HOMER2: variants seen among roughly 807,000 people sequenced by gnomAD.
The protein encoded by HOMER2 is homer protein homolog 2.
Under a neutral mutation model 47.0 loss-of-function variants are expected in HOMER2, and 27 were observed. The ratio of observed to expected loss-of-function variants is 0.57; its 90% CI spans 0.42 to 0.79. HOMER2 has a LOEUF of 0.79. Among genes scored for constraint, HOMER2 ranks in the 30% least tolerant of loss-of-function variants. HOMER2 has a pLI of 0.00. For synonymous variants in HOMER2, 161 were observed against 163.8 expected (o/e 0.98, Z 0.13); for missense variants, 443 against 435.0 (o/e 1.02, Z -0.16).
chr15:82,933,306 A>G (rs1398430482), intron 1 of HOMER2, among the ~76,000 whole-genome samples: 1 of 152,106 alleles, frequency 6.6e-6, no homozygotes, highest in African/African-American at 2.4e-5. Context: ...GGCTCACTGC[A>G]GCCTCGACCT....
Position 82,855,440 on chromosome 15 carries a change from C to T in HOMER2, c.495-640G>A, listed in dbSNP as rs187973600. Among the ~76,000 whole-genome samples the T allele has an allele frequency of 7.9e-4, 120 of 152,292 alleles. 1 individual carries two copies. Among genetic ancestry groups the T allele is most frequent in the Admixed American group, 1.9e-3 (29 of 15,298 alleles). On this transcript the variant is annotated intron_variant, in intron 5 of 8. Transcript: ENST00000450735. ...CCATCCCATCCTCCTTACTGGCCGC[C>T]CTGCTTCCTCCTGAAAGGAGTTTCA... is the stretch of plus-strand genomic sequence containing the variant.
chr15:82,912,875 C>T (rs1177079184), intron 1 of HOMER2, among the ~76,000 whole-genome samples: 1 of 152,200 alleles, frequency 6.6e-6, no homozygotes. Context: ...CCTAAGTAGG[C>T]GGACTGTGTG....
At chr15:82,879,208 A>G (rs953112039) in intron 2 of HOMER2, among the ~76,000 whole-genome samples, 1 of 152,170 alleles carries the variant, frequency 6.6e-6, no homozygotes, top group African/African-American at 2.4e-5. Context: ...TTCCTTGAAT[A>G]TATTAATCGT....
chr15:82,965,424 A>G (rs1159945147), intron 1 of HOMER2, among the ~76,000 whole-genome samples: 2 of 152,220 alleles, frequency 1.3e-5, no homozygotes, highest in South Asian at 2.1e-4. Context: ...CCCAAAGCCA[A>G]TCTGACCTAA....
At chr15:82,942,357 G>T (rs1033827691) in intron 1 of HOMER2, among the ~76,000 whole-genome samples, 1 of 152,198 alleles carries the variant, frequency 6.6e-6, no homozygotes, top group Non-Finnish European at 1.5e-5. Flanking sequence ...CTGATGAAGG[G>T]TGATCAGAAA....
At chr15:82,902,655 T>A (rs2053158431) in intron 1 of HOMER2, among the ~76,000 whole-genome samples, 1 of 152,244 alleles carries the variant, frequency 6.6e-6, no homozygotes. Context: ...AAGATTTTCA[T>A]ATTACACTGT....
At chr15:82,847,054 C>T (rs2051261757), downstream of HOMER2, 1 of 152,266 alleles carries the variant, frequency 6.6e-6, no homozygotes, top group Non-Finnish European at 1.5e-5. Context: ...CAATTGCAAA[C>T]TGAAAATGCA....
At chr15:82,961,421 T>C (rs1327721427) in intron 1 of HOMER2, among the ~76,000 whole-genome samples, 1 of 152,268 alleles carries the variant, frequency 6.6e-6, no homozygotes, top group Non-Finnish European at 1.5e-5. Context: ...ATTGTTCTCT[T>C]GGCACATGCC....
chr15:82,889,615 C>G (rs969079383), intron 2 of HOMER2, among the ~76,000 whole-genome samples: 2 of 152,084 alleles, frequency 1.3e-5, no homozygotes, highest in Non-Finnish European at 2.9e-5. Flanking sequence ...CAGGCAGGAT[C>G]GAGATTGGGC....
intron 1 of HOMER2, among the ~76,000 whole-genome samples, chr15:82,894,876 T>C (rs780786754): frequency 5.3e-5 from 8 of 151,674 alleles, no homozygotes; most frequent in Admixed American, 2.6e-4. Context: ...AGTCTCTAGA[T>C]GGAATGATTT....
At chr15:82,860,952 A>G (rs924810693) in intron 4 of HOMER2, among the ~76,000 whole-genome samples, 1 of 106,012 alleles carries the variant, frequency 9.4e-6, no homozygotes, top group Non-Finnish European at 2.1e-5. Context: ...TAGAAGATAG[A>G]AGATGAGAGA....
At chr15:82,937,974 A>G (rs1363443754) in intron 1 of HOMER2, among the ~76,000 whole-genome samples, 2 of 152,210 alleles carry the variant, frequency 1.3e-5, no homozygotes, top group Non-Finnish European at 2.9e-5. Context: ...TATTTGCTTC[A>G]GCTCACTCCT....
At chr15:82,947,815 A>T (rs899870116) in intron 1 of HOMER2, among the ~76,000 whole-genome samples, 3 of 152,250 alleles carry the variant, frequency 2.0e-5, no homozygotes, top group African/African-American at 7.2e-5. Flanking sequence ...TATTTACTGG[A>T]GGCCTATTTG....
chr15:82,958,954 C>T (rs1284908170), exon 2 of HOMER2: 1 of 152,344 alleles, frequency 6.6e-6, no homozygotes, highest in Non-Finnish European at 1.5e-5. Context: ...TCTGAGCTAT[C>T]ACACTCATTG....
intron 1 of HOMER2, among the ~76,000 whole-genome samples, chr15:82,964,976 T>C (rs1287572876): frequency 3.3e-5 from 5 of 152,216 alleles, no homozygotes; most frequent in African/African-American, 1.2e-4. Flanking sequence ...ACCTTTAATA[T>C]GTCAATGTAG....
chr15:82,944,901 C>T (rs1476396601), intron 1 of HOMER2, among the ~76,000 whole-genome samples: 4 of 152,070 alleles, frequency 2.6e-5, no homozygotes, highest in East Asian at 1.9e-4. Flanking sequence ...AGGGGGCCTT[C>T]GAGGTATGGG....
intron 1 of HOMER2, among the ~76,000 whole-genome samples, chr15:82,970,170 G>C (rs2029933504): frequency 6.6e-6 from 1 of 152,212 alleles, no homozygotes; most frequent in African/African-American, 2.4e-5. Flanking sequence ...GAAGAATTTT[G>C]AGCAAGACCT....
chr15:82,914,428 G>C (rs898094815), intron 1 of HOMER2, among the ~76,000 whole-genome samples: 3 of 147,584 alleles, frequency 2.0e-5, no homozygotes, highest in Non-Finnish European at 3.0e-5. Flanking sequence ...CAACATGGAT[G>C]AACTTTGGAA....
chr15:82,932,546 AC>A (rs950128024), intron 1 of HOMER2, among the ~76,000 whole-genome samples: 26 of 151,906 alleles, frequency 1.7e-4, no homozygotes, highest in African/African-American at 5.6e-4. Context: ...GGGAAGAGCT[AC>A]CCACCACACC....
Sources: gnomAD v4.1 joint callset for allele counts (sites outside exome capture counted in the v4.1 genomes callset) on GRCh38, gnomAD v4.1.1 for gene constraint, MANE v1.5 for transcripts, NCBI Gene and HGNC (gene_info 2026-07-23, HGNC 2026-07-21) for gene names.